TMEM131L: variants seen among roughly 807,000 people sequenced by gnomAD.
TMEM131L encodes the protein transmembrane protein 131-like.
TMEM131L carries 54 observed loss-of-function variants against 192.2 expected under a neutral mutation model. The ratio of observed to expected loss-of-function variants is 0.28; its 90% CI spans 0.23 to 0.35. The LOEUF (loss-of-function observed/expected upper bound fraction) is 0.35, where lower values mean the gene tolerates loss of function less well. Ranked by LOEUF, TMEM131L falls within the 10% of genes least tolerant of loss-of-function variation. TMEM131L has a pLI of 1.00. For missense variants in TMEM131L, 1,888 were observed against 1,972.9 expected, an observed-to-expected ratio of 0.96 and a Z score of 0.82; for synonymous variants, 701 against 704.9, an observed-to-expected ratio of 0.99 and a Z score of 0.09.
At position 153,632,376 on chromosome 4, in the gene TMEM131L, CTTTG is replaced by C. The variant is rs889213362; in HGVS notation, c.4208-335_4208-332del. Reference sequence around the variant, plus strand: ...CACGCACATTATCTGGCATGCTACACTTTGTTTGTTGTTTGTCTTTGCTCACTTG... The same window carrying C: ...CACGCACATTATCTGGCATGCTACACTTTGTTGTTTGTCTTTGCTCACTTG... On this transcript the variant is annotated intron_variant, in intron 31 of 34. Coordinates refer to ENST00000409959, the MANE Select transcript of TMEM131L (RefSeq NM_001131007.2). 2.8e-4 allele frequency: 47 copies of C among 165,814 alleles called. No individual in the cohort carries two copies. In the Middle Eastern group the frequency reaches 8.5e-3, roughly 30 times the overall value. The allele number at this position is 165,814 out of a possible 1,614,324, so 10.3% of individuals were successfully genotyped here.
Position 153,636,555 on chromosome 4 carries a change from G to A in TMEM131L, c.4812G>A (p.Ser1604=), listed in dbSNP as rs762685641. The A allele has an allele frequency of 2.5e-6, 4 of 1,613,262 alleles. No homozygotes were observed. Among genetic ancestry groups the A allele is most frequent in the Admixed American group, 1.7e-5 (1 of 59,972 alleles). The change falls in exon 35 of 35, where the codon TCG becomes TCA. Residue 1604 remains serine, a synonymous_variant. Transcript: ENST00000409959. The stretch of plus-strand genomic sequence containing the variant: ...CAAATTTCCCACTGTCTAGAGACTC[G>A]AGTTACTGTGGGAATGTGTGAAAAT... The part of the protein sequence containing the change: ...RNANFPLSRD[S]SYCGNV
At chr4:153,570,556 G>T (rs1023042312) in intron 7 of TMEM131L, among the ~76,000 whole-genome samples, 13 of 152,218 alleles carry the variant, frequency 8.5e-5, no homozygotes, top group Non-Finnish European at 1.8e-4. Context: ...TTGCCTGGCG[G>T]TAGCCGACAT....
At chr4:153,566,364 T>C (rs1165809683) in intron 7 of TMEM131L, among the ~76,000 whole-genome samples, 1 of 152,102 alleles carries the variant, frequency 6.6e-6, no homozygotes, top group Non-Finnish European at 1.5e-5. Context: ...CTTGATCTCC[T>C]GACCTCGTGA....
intron 18 of TMEM131L, 71 bp downstream of exon 18, chr4:153,592,655 A>G: frequency 3.9e-6 from 4 of 1,037,776 alleles, no homozygotes; most frequent in Non-Finnish European, 3.0e-6. Flanking sequence ...TTAATGTCCT[A>G]CACTTTTTCA....
At chr4:153,473,764 C>T in intron 2 of TMEM131L, 81 bp from the exon 3 acceptor site, 1 of 1,175,280 alleles carries the variant, frequency 8.5e-7, no homozygotes, top group Non-Finnish European at 1.2e-6. Flanking sequence ...TGTACTCCAG[C>T]CTGGGTGACA....
At chr4:153,552,552 C>T (rs145076264) in intron 4 of TMEM131L, among the ~76,000 whole-genome samples, 98 of 152,090 alleles carry the variant, frequency 6.4e-4, no homozygotes, top group African/African-American at 2.3e-3. Flanking sequence ...CTCTAGAGGC[C>T]GGGCACGGTG....
At chr4:153,506,915 C>T (rs1734031912) in intron 3 of TMEM131L, among the ~76,000 whole-genome samples, 1 of 150,596 alleles carries the variant, frequency 6.6e-6, no homozygotes, top group South Asian at 2.1e-4. Context: ...GAGACTAACA[C>T]AGAAGAGGAG....
rs189863733 is a variant in TMEM131L, at chr4:153,622,064, C to G, written c.3859+215C>G. 4.3e-3 allele frequency among the ~76,000 whole-genome samples: 651 copies of G among 152,290 alleles called. 6 individuals are homozygous for G. The highest frequency in any genetic ancestry group is 0.015 in the African/African-American group (622 of 41,562). ...CCTCTAGTGCTGCCCCCCAGCCCCC[C>G]AGTCTGGCCAGTCGCAACTATCCTC... On this transcript the variant is annotated intron_variant, in intron 28 of 34. Transcript: ENST00000409959.
intron 7 of TMEM131L, among the ~76,000 whole-genome samples, chr4:153,573,443 A>G (rs1266654289): frequency 6.6e-6 from 1 of 152,262 alleles, no homozygotes; most frequent in South Asian, 2.1e-4. Flanking sequence ...TTGTATAAAA[A>G]TAGTTACTTG....
At chr4:153,529,851 T>C (rs1392332871) in intron 3 of TMEM131L, among the ~76,000 whole-genome samples, 2 of 152,234 alleles carry the variant, frequency 1.3e-5, no homozygotes, top group African/African-American at 4.8e-5. Flanking sequence ...AAGTAAGATC[T>C]GATTGCAAAA....
chr4:153,616,837 AT>A (rs1733007377), intron 26 of TMEM131L, among the ~76,000 whole-genome samples: 1 of 152,194 alleles, frequency 6.6e-6, no homozygotes, highest in African/African-American at 2.4e-5. Context: ...GTTACATAAC[AT>A]TTCATCATTT....
intron 3 of TMEM131L, among the ~76,000 whole-genome samples, chr4:153,502,478 C>T (rs1456315463): frequency 6.6e-6 from 1 of 152,172 alleles, no homozygotes; most frequent in Non-Finnish European, 1.5e-5. Flanking sequence ...TATTCTGACT[C>T]TTTGGGAGTT....
intron 9 of TMEM131L, among the ~76,000 whole-genome samples, 168 bp from the exon 10 acceptor site, chr4:153,583,022 A>G (rs909667654): frequency 2.0e-5 from 3 of 152,074 alleles, no homozygotes; most frequent in Admixed American, 1.3e-4. Context: ...AAAAAAAAAA[A>G]GAAAACACCT....
chr4:153,597,376 A>G (rs770480297), intron 20 of TMEM131L, among the ~76,000 whole-genome samples: 2 of 152,080 alleles, frequency 1.3e-5, no homozygotes, highest in Non-Finnish European at 2.9e-5. Flanking sequence ...AGGTTGAACT[A>G]TCTCAGGCTT....
At chr4:153,583,078 A>G (rs1730471114) in intron 9 of TMEM131L, 112 bp from the exon 10 acceptor site, 5 of 651,586 alleles carry the variant, frequency 7.7e-6, no homozygotes, top group Non-Finnish European at 1.4e-5. Context: ...CATTTTTTAT[A>G]GAAATGTGTA....
intron 3 of TMEM131L, among the ~76,000 whole-genome samples, chr4:153,513,026 TATTA>T (rs1734466785): frequency 1.3e-5 from 2 of 152,232 alleles, no homozygotes; most frequent in Non-Finnish European, 1.5e-5. Context: ...CTTCATCTTT[TATTA>T]ATTTTCTTTT....
Position 153,555,064 on chromosome 4 carries a change from T to G in TMEM131L, c.309-723T>G, listed in dbSNP as rs557674348. Among the ~76,000 whole-genome samples, 16 of 152,324 alleles carry G rather than the reference T, an allele frequency of 1.1e-4. No individual in the cohort carries two copies. The highest frequency in any genetic ancestry group is 9.8e-4 in the Admixed American group (15 of 15,302). ...GTATGAAACTTTTCGTAAGTGTATG[T>G]TTGTGGAGGGAAGAGCCAGAGCTTT... On this transcript the variant is annotated intron_variant, in intron 4 of 34. Coordinates refer to ENST00000409959, the MANE Select transcript of TMEM131L (RefSeq NM_001131007.2). This position sits in a 1 kb window ranked among gnomAD's most constrained non-coding sequence, Gnocchi z 4.1.
rs768045593 is a variant in TMEM131L at position 153,604,331 on chromosome 4, C to T, written c.3319C>T (p.Pro1107Ser). Reference sequence around the variant, plus strand: ...CGAGTTCAAGGAACGGGAGCTCTGTCCACTGAAGACCTCCAAGAAACTACC... The same window carrying T: ...CGAGTTCAAGGAACGGGAGCTCTGTTCACTGAAGACCTCCAAGAAACTACC... ...TAEFKERELCPLKTSKKLPEN... is the reference protein window; with the variant it reads ...TAEFKERELCSLKTSKKLPEN... The change falls in exon 25 of 35, where the codon CCA (proline) becomes TCA (serine). Residue 1107 changes from proline (P) to serine (S), a missense_variant. Physicochemically the swap from Pro to Ser is moderately conservative, Grantham distance 74 (BLOSUM62 -1). Transcript: ENST00000409959. The T allele has an allele frequency of 3.1e-6, 5 of 1,613,910 alleles. No homozygotes were observed. Among genetic ancestry groups the T allele is most frequent in the Non-Finnish European group, 4.2e-6 (5 of 1,179,944 alleles).
At position 153,627,588 on chromosome 4, in the gene TMEM131L, TG is replaced by T. The variant is rs775036184; in HGVS notation, c.4125-16del. The T allele has an allele frequency of 1.4e-5, 22 of 1,606,750 alleles. No individual in the cohort carries two copies. Among genetic ancestry groups the T allele is most frequent in the Non-Finnish European group, 1.7e-5 (20 of 1,173,568 alleles). On this transcript the variant is annotated splice_polypyrimidine_tract_variant and intron_variant, in intron 30 of 34. Coordinates refer to ENST00000409959, the MANE Select transcript of TMEM131L (RefSeq NM_001131007.2). ...CAGAAAAAATGAGTCGTTCCTCCTT[TG>T]CCCTCTTCCCCACAGGACCGTGAAT...
Sources: gnomAD v4.1 joint callset for allele counts (sites outside exome capture counted in the v4.1 genomes callset) on GRCh38, gnomAD v4.1.1 for gene constraint, Gnocchi (gnomAD v3.1) non-coding constraint, MANE v1.5 for transcripts, NCBI Gene and HGNC (gene_info 2026-07-23, HGNC 2026-07-21) for gene names.